NR1D2: variants seen among roughly 807,000 people sequenced by gnomAD.
NR1D2 encodes the protein V-erbA-related protein 1-related.
NR1D2 carries 25 observed loss-of-function variants against 52.2 expected under a neutral mutation model. The ratio of observed to expected loss-of-function variants is 0.48; its 90% confidence interval spans 0.35 to 0.67. The LOEUF (loss-of-function observed/expected upper bound fraction) is 0.67, where lower values mean the gene tolerates loss of function less well. Among genes scored for constraint, NR1D2 ranks in the 30% least tolerant of loss-of-function variants. NR1D2 has a pLI of 0.01. For missense variants in NR1D2, 681 were observed against 707.2 expected (o/e 0.96, Z 0.42); for synonymous variants, 259 against 230.1 (o/e 1.13, Z -1.14).
At chr3:23,964,484 A>G (rs1706386796) in intron 5 of NR1D2, among the ~76,000 whole-genome samples, 1 of 152,200 alleles carries the variant, frequency 6.6e-6, no homozygotes, top group South Asian at 2.1e-4. Flanking sequence ...GTTTGGAAAT[A>G]TTAACTAAAT....
chr3:23,970,049 A>G (rs1384928975), intron 7 of NR1D2, among the ~76,000 whole-genome samples: 4 of 152,206 alleles, frequency 2.6e-5, no homozygotes, highest in Non-Finnish European at 4.4e-5. Flanking sequence ...GGGAGATTTT[A>G]ACCAAAATAT....
At position 23,962,361 on chromosome 3, in the gene NR1D2, G is replaced by T; in HGVS notation, c.902G>T (p.Cys301Phe). ...MEQYNLNHDH[C>F]GNGLSSHFPC... ...CAATATAATTTAAATCATGATCATT[G>T]CGGCAATGGGCTTAGCAGCCATTTT... Residue 301 changes from cysteine to phenylalanine, a missense_variant, in exon 5 of 8, where the codon TGC becomes TTC. Cys to Phe is a radical substitution (Grantham distance 205). Transcript: ENST00000312521. The T allele has an allele frequency of 6.2e-7, 1 of 1,614,126 alleles. No individual in the cohort carries two copies. The highest frequency in any genetic ancestry group is 8.5e-7 in the Non-Finnish European group (1 of 1,180,002).
intron 5 of NR1D2, among the ~76,000 whole-genome samples, chr3:23,964,365 C>T (rs1391919035): frequency 6.6e-6 from 1 of 152,222 alleles, no homozygotes; most frequent in Non-Finnish European, 1.5e-5. Flanking sequence ...GCGTGAGCCA[C>T]TGCGCCCGGC....
intron 1 of NR1D2, among the ~76,000 whole-genome samples, chr3:23,951,503 C>T (rs1176412481): frequency 1.3e-5 from 2 of 152,152 alleles, no homozygotes; most frequent in African/African-American, 4.8e-5. Flanking sequence ...GTGCTAATAC[C>T]TGGAATTTTT....
chr3:23,955,431 GAAA>G (rs890606760), intron 2 of NR1D2, among the ~76,000 whole-genome samples: 1 of 151,800 alleles, frequency 6.6e-6, no homozygotes, highest in Non-Finnish European at 1.5e-5. Flanking sequence ...GACAGGTCTG[GAAA>G]AAAAATAAAT....
At chr3:23,945,812 G>A (rs955010645) in intron 1 of NR1D2, among the ~76,000 whole-genome samples, 2 of 150,464 alleles carry the variant, frequency 1.3e-5, no homozygotes, top group Non-Finnish European at 3.0e-5. Context: ...GCGGCCTGCC[G>A]GCGCCCGGCC....
At chr3:23,967,741 G>T (rs929489861) in intron 6 of NR1D2, 72 bp from the exon 7 acceptor site, 3 of 1,185,658 alleles carry the variant, frequency 2.5e-6, no homozygotes, top group Non-Finnish European at 2.4e-6. Context: ...TAACTGACTT[G>T]ATTGAATACT....
intron 2 of NR1D2, among the ~76,000 whole-genome samples, chr3:23,955,597 G>A (rs1706061119): frequency 1.3e-5 from 2 of 152,012 alleles, no homozygotes; most frequent in Non-Finnish European, 2.9e-5. Flanking sequence ...AGGCTGAGTG[G>A]GGCGGAGTCC....
rs1706785004 is a variant in NR1D2, at chr3:23,978,148, G to C, written c.*729G>C. On this transcript the variant is annotated 3_prime_UTR_variant, in exon 8 of 8. Coordinates refer to ENST00000312521, the MANE Select transcript of NR1D2 (RefSeq NM_005126.5). ...AGTCCACACCAACCATATTATTCAG[G>C]GTTCCTGCCATATGTGTGGGGTATC... is the stretch of plus-strand genomic sequence containing the variant. 6.6e-6 allele frequency: 1 copy of C among 151,894 alleles called. No homozygotes were observed. The highest frequency in any genetic ancestry group is 1.5e-5 in the Non-Finnish European group (1 of 67,970). The allele number at this position is 151,894 out of a possible 1,614,324, so 9.4% of individuals were successfully genotyped here.
chr3:23,978,001 C>G lies in NR1D2; in HGVS notation c.*582C>G, dbSNP rs905582059. ...ACCTCACAGAGTTACTAAAAAATGT[C>G]TGTAAAGCATATTTACCTCTTGGGA... is the stretch of plus-strand genomic sequence containing the variant. On this transcript the variant is annotated 3_prime_UTR_variant, in exon 8 of 8. Coordinates refer to ENST00000312521, the MANE Select transcript of NR1D2 (RefSeq NM_005126.5). The G allele has an allele frequency of 6.6e-6, 1 of 152,104 alleles. No individual in the cohort carries two copies. Among genetic ancestry groups the G allele is most frequent in the Non-Finnish European group, 1.5e-5 (1 of 68,012 alleles). The allele number at this position is 152,104 out of a possible 1,614,324, so 9.4% of individuals were successfully genotyped here. A position where few individuals can be genotyped will look rare whatever the true frequency, so the allele number is the denominator to read the frequency against.
intron 1 of NR1D2, chr3:23,946,021 G>C: frequency 1.3e-6 from 1 of 798,398 alleles, no homozygotes; most frequent in Non-Finnish European, 1.5e-6. Flanking sequence ...AGGGACACGT[G>C]GGGGCGGGGG....
chr3:23,974,569 A>G (rs1184715064), intron 7 of NR1D2, among the ~76,000 whole-genome samples: 2 of 152,208 alleles, frequency 1.3e-5, no homozygotes, highest in Non-Finnish European at 2.9e-5. Context: ...ACCTTAGAAC[A>G]GTAACCAGTA....
intron 6 of NR1D2, among the ~76,000 whole-genome samples, chr3:23,967,445 C>T (rs1706475365): frequency 6.6e-6 from 1 of 151,498 alleles, no homozygotes; most frequent in Non-Finnish European, 1.5e-5. Context: ...TGAAACCCTG[C>T]TTCTACTAAA....
At chr3:23,959,938 CAT>C in intron 4 of NR1D2, 123 bp downstream of exon 4, 1 of 828,192 alleles carries the variant, frequency 1.2e-6, no homozygotes, top group South Asian at 2.5e-5. Flanking sequence ...AAGCAGAAAA[CAT>C]ATTTTCATGC....
chr3:23,975,246 T>C (rs1706692094), intron 7 of NR1D2, among the ~76,000 whole-genome samples: 1 of 152,044 alleles, frequency 6.6e-6, no homozygotes, highest in Non-Finnish European at 1.5e-5. Flanking sequence ...GCCACCCAAG[T>C]AGCTGGGACT....
chr3:23,957,459 G>A (rs1489131455), intron 3 of NR1D2, among the ~76,000 whole-genome samples: 1 of 125,916 alleles, frequency 7.9e-6, no homozygotes, highest in Non-Finnish European at 1.6e-5. Context: ...GCTCACGCCT[G>A]TAATCCCAGC....
chr3:23,977,275 C>A lies in NR1D2; in HGVS notation c.1596C>A (p.Leu532=), dbSNP rs138945807. 2.4e-5 allele frequency: 38 copies of A among 1,611,082 alleles called. No homozygotes were observed. The African/African-American group carries it at 4.7e-4, about 20-fold the overall frequency. The part of the protein sequence containing the change: ...VNSVEALQET[L]IRALRTLIMK... ...CTGTGGAGGCTTTGCAGGAAACTCT[C>A]ATTCGTGCACTAAGGACCTTAATAA... Residue 532 remains leucine (L), a synonymous_variant, in exon 8 of 8, where the codon CTC becomes CTA. Coordinates refer to ENST00000312521, the MANE Select transcript of NR1D2 (RefSeq NM_005126.5).
Position 23,959,721 on chromosome 3 carries a change from G to A in NR1D2, c.423G>A (p.Leu141=). The change falls in exon 4 of 8, where the codon CTG becomes CTA. Residue 141 remains leucine (L), a synonymous_variant. Transcript: ENST00000312521. ...IQQNIQYKKC[L]KNENCSIMRM... is the part of the protein sequence containing the mutation. ...AAAACATCCAGTACAAGAAGTGCCT[G>A]AAGAATGAAAACTGTTCTATAATGA... The A allele has an allele frequency of 6.2e-7, 1 of 1,613,942 alleles. No individual in the cohort carries two copies. The highest frequency in any genetic ancestry group is 8.5e-7 in the Non-Finnish European group (1 of 1,179,956).
chr3:23,964,767 G>T, intron 5 of NR1D2: 1 of 414,510 alleles, frequency 2.4e-6, no homozygotes, highest in Non-Finnish European at 4.3e-6. Context: ...TTTTTTTAAT[G>T]ATAAGTTAAT....
Sources: allele counts gnomAD v4.1 joint callset (sites outside exome capture counted in the v4.1 genomes callset), GRCh38; gene constraint gnomAD v4.1.1; transcripts MANE v1.5; gene names NCBI Gene and HGNC (gene_info 2026-07-23, HGNC 2026-07-21).